PARD3: variants seen among roughly 807,000 people sequenced by gnomAD.
The protein encoded by PARD3 is par-3 family cell polarity regulator.
Under a neutral mutation model 155.4 loss-of-function variants are expected in PARD3, and 75 were observed. That is an observed-to-expected ratio of 0.48 (90% CI 0.40 to 0.58). PARD3 has a LOEUF of 0.58. Among genes scored for constraint, PARD3 ranks in the 20% least tolerant of loss-of-function variants. PARD3 has a pLI of 0.00. For synonymous variants in PARD3, 576 were observed against 610.5 expected (o/e 0.94, Z 0.83); for missense variants, 1,642 against 1,721.7 (o/e 0.95, Z 0.82).
chr10:34,333,658 TG>T (rs1835850725), intron 18 of PARD3, among the ~76,000 whole-genome samples: 5 of 152,046 alleles, frequency 3.3e-5, no homozygotes, highest in Admixed American at 3.3e-4. Flanking sequence ...GAGTCAAATG[TG>T]GAAAATTTTA....
At chr10:34,757,975 A>T (rs1836966569) in intron 1 of PARD3, among the ~76,000 whole-genome samples, 2 of 152,214 alleles carry the variant, frequency 1.3e-5, no homozygotes, top group Admixed American at 1.3e-4. Flanking sequence ...TTGGGCATAT[A>T]ATTTAATTTC....
chr10:34,428,490 G>GA (rs1315420698), intron 5 of PARD3, among the ~76,000 whole-genome samples: 8 of 151,824 alleles, frequency 5.3e-5, no homozygotes, highest in African/African-American at 1.7e-4. Context: ...ATCTCTAAAA[G>GA]AAAAAAGAGG....
intron 1 of PARD3, among the ~76,000 whole-genome samples, chr10:34,780,284 G>C (rs796210423): frequency 1.4e-4 from 21 of 152,336 alleles, no homozygotes; most frequent in African/African-American, 5.1e-4. Context: ...GATGTGGAGA[G>C]CACTGGCTGT....
intron 3 of PARD3, among the ~76,000 whole-genome samples, chr10:34,478,441 T>C (rs2078855539): frequency 2.0e-5 from 3 of 152,220 alleles, no homozygotes; most frequent in South Asian, 4.1e-4. Context: ...GGTGATTTAA[T>C]GGTAAGTTTA....
intron 2 of PARD3, among the ~76,000 whole-genome samples, chr10:34,640,588 T>C (rs1303502175): frequency 2.6e-5 from 4 of 151,770 alleles, no homozygotes; most frequent in East Asian, 3.9e-4. Context: ...CATGCGCCTA[T>C]AGTCCCAGCT....
At chr10:34,290,395 T>C (rs1956620817) in intron 20 of PARD3, among the ~76,000 whole-genome samples, 1 of 152,242 alleles carries the variant, frequency 6.6e-6, no homozygotes, top group South Asian at 2.1e-4. Context: ...AAATCTGTTA[T>C]TTCTCACTGC....
intron 21 of PARD3, among the ~76,000 whole-genome samples, chr10:34,280,795 G>A (rs950407554): frequency 6.6e-6 from 1 of 152,096 alleles, no homozygotes; most frequent in African/African-American, 2.4e-5. Flanking sequence ...GGGGTTGAGA[G>A]GATGTTTTGA....
At chr10:34,723,686 C>T (rs895768720) in intron 1 of PARD3, among the ~76,000 whole-genome samples, 1 of 152,186 alleles carries the variant, frequency 6.6e-6, no homozygotes, top group South Asian at 2.1e-4. Context: ...GCTTGTTCCC[C>T]GCCTAGGGAA....
chr10:34,763,556 G>C (rs926501194), intron 1 of PARD3, among the ~76,000 whole-genome samples: 5 of 152,010 alleles, frequency 3.3e-5, no homozygotes, highest in African/African-American at 9.7e-5. Flanking sequence ...AGTCATATGG[G>C]GCTGAGAACC....
Position 34,432,041 on chromosome 10 carries a change from C to CAAAAAAAAAAA in PARD3, c.714+18265_714+18275dup, listed in dbSNP as rs142848273. ...TGGGCTACAGAGTGAGACTCTGTCTCAAAAAAAAAAAAAAAAAAAAAAAAA... is the reference window on the plus strand; with the variant it reads ...TGGGCTACAGAGTGAGACTCTGTCTCAAAAAAAAAAAAAAAAAAAAAAAAAAAAAAAAAAAA... On this transcript the variant is annotated intron_variant, in intron 5 of 24. Coordinates refer to ENST00000374788, the MANE Select transcript of PARD3 (RefSeq NM_001184785.2). Among the ~76,000 whole-genome samples the CAAAAAAAAAAA allele has an allele frequency of 4.7e-3, 101 of 21,588 alleles. 8 individuals are homozygous for CAAAAAAAAAAA. Among genetic ancestry groups the CAAAAAAAAAAA allele is most frequent in the African/African-American group, 7.2e-3 (59 of 8,230 alleles). 14.2% of individuals were successfully genotyped at this position (21,588 alleles called of 152,430 possible). A position where few individuals can be genotyped will look rare whatever the true frequency, so the allele number is the denominator to read the frequency against.
chr10:34,180,360 T>G (rs2133190745), intron 22 of PARD3, among the ~76,000 whole-genome samples: 1 of 152,324 alleles, frequency 6.6e-6, no homozygotes, highest in South Asian at 2.1e-4. Context: ...CAAGCATTTT[T>G]CCATTGAGTT....
chr10:34,803,250 T>TAAATA (rs112366679), intron 1 of PARD3, among the ~76,000 whole-genome samples: 115,072 of 147,018 alleles, frequency 0.78, 45,958 homozygotes, highest in African/African-American at 0.95. Flanking sequence ...AAAAAATAAA[T>TAAATA]AATAACAAAA....
chr10:34,493,198 C>A (rs1278368466), intron 3 of PARD3, among the ~76,000 whole-genome samples: 1 of 152,100 alleles, frequency 6.6e-6, no homozygotes, highest in Non-Finnish European at 1.5e-5. Context: ...AAAGCTAGTA[C>A]AATGCAAGAC....
chr10:34,527,740 G>A (rs1023574512), intron 2 of PARD3, among the ~76,000 whole-genome samples: 21 of 152,150 alleles, frequency 1.4e-4, no homozygotes, highest in Admixed American at 1.1e-3. Context: ...TTTGTAAAAT[G>A]TAAGGTTAAT....
chr10:34,611,807 C>CTT (rs397829689), intron 2 of PARD3, among the ~76,000 whole-genome samples: 58 of 109,208 alleles, frequency 5.3e-4, no homozygotes, highest in South Asian at 1.6e-3. Context: ...ACATTTCTTT[C>CTT]TTTTTTTTTT....
At chr10:34,783,791 T>C (rs889232455) in intron 1 of PARD3, among the ~76,000 whole-genome samples, 5 of 152,166 alleles carry the variant, frequency 3.3e-5, no homozygotes, top group African/African-American at 1.2e-4. Context: ...GCTTAGTACG[T>C]TGCCAAATCA....
At chr10:34,709,293 T>C (rs1267774366) in intron 1 of PARD3, among the ~76,000 whole-genome samples, 2 of 152,194 alleles carry the variant, frequency 1.3e-5, no homozygotes, top group African/African-American at 4.8e-5. Flanking sequence ...AAGTCCAAGT[T>C]TGTGTTAAGT....
At chr10:34,210,722 C>T (rs1951705154) in intron 22 of PARD3, among the ~76,000 whole-genome samples, 1 of 152,130 alleles carries the variant, frequency 6.6e-6, no homozygotes, top group Non-Finnish European at 1.5e-5. Context: ...CAGCCACAGC[C>T]TGGACTTGGT....
chr10:34,783,839 C>T lies in PARD3; in HGVS notation c.120+31037G>A, dbSNP rs76023540. Among the ~76,000 whole-genome samples, 670 of 151,962 alleles carry T rather than the reference C, an allele frequency of 4.4e-3. 5 individuals are homozygous for T. The highest frequency in any genetic ancestry group is 0.024 in the Middle Eastern group (7 of 294). On this transcript the variant is annotated intron_variant, in intron 1 of 24. Coordinates refer to ENST00000374788, the MANE Select transcript of PARD3 (RefSeq NM_001184785.2). ...TTTTTTCTAACTACTTGGAACTAGA[C>T]TATATATGTAACAGCAACTCATTAA...
Sources: gnomAD v4.1 joint callset for allele counts (sites outside exome capture counted in the v4.1 genomes callset) on GRCh38, gnomAD v4.1.1 for gene constraint, MANE v1.5 for transcripts, NCBI Gene and HGNC (gene_info 2026-07-23, HGNC 2026-07-21) for gene names.